ARK2N: variants seen among roughly 807,000 people sequenced by gnomAD.
The protein encoded by ARK2N is arkadia (RNF111) N-terminal like PKA signaling regulator 2N.
chr18:46,260,249 G>A, the ARK2N span, among the ~76,000 whole-genome samples: 4 of 152,142 alleles, frequency 2.6e-5, no homozygotes, highest in Non-Finnish European at 5.9e-5. Flanking sequence ...CATGCTCTCA[G>A]TGGTTTGCCT....
the ARK2N span, among the ~76,000 whole-genome samples, chr18:46,202,753 A>G: frequency 1.9e-4 from 29 of 151,704 alleles, no homozygotes; most frequent in Non-Finnish European, 3.7e-4. Flanking sequence ...GCTCCACTGC[A>G]TTCCAGCCTG....
chr18:46,174,851 C>T, the ARK2N span, among the ~76,000 whole-genome samples: 11 of 152,310 alleles, frequency 7.2e-5, no homozygotes, highest in African/African-American at 2.2e-4. Flanking sequence ...CGGAGAGCTC[C>T]GGCGCCGCGG....
the ARK2N span, among the ~76,000 whole-genome samples, chr18:46,199,547 G>C: frequency 7.2e-6 from 1 of 138,714 alleles, no homozygotes; most frequent in African/African-American, 2.7e-5. Context: ...GGCTGGTCTT[G>C]AACTCCTGAC....
At chr18:46,206,269 A>G in the ARK2N span, among the ~76,000 whole-genome samples, 1 of 151,312 alleles carries the variant, frequency 6.6e-6, no homozygotes, top group African/African-American at 2.4e-5. Context: ...AATTTTTTGT[A>G]GATATGGAGT....
chr18:46,194,472 T>G, the ARK2N span, among the ~76,000 whole-genome samples: 33 of 150,876 alleles, frequency 2.2e-4, no homozygotes, highest in African/African-American at 5.4e-4. Flanking sequence ...TTTTGTTTTT[T>G]TTTTTGTTTG....
the ARK2N span, among the ~76,000 whole-genome samples, chr18:46,230,722 A>T: frequency 6.6e-6 from 1 of 152,246 alleles, no homozygotes; most frequent in Non-Finnish European, 1.5e-5. Flanking sequence ...TAAAAAAGTT[A>T]CTTCATTTAA....
chr18:46,263,453 G>T, the ARK2N span: 1 of 193,076 alleles, frequency 5.2e-6, no homozygotes, highest in African/African-American at 2.3e-5. Context: ...GGCAAAATGG[G>T]TTTCAGTTTT....
the ARK2N span, among the ~76,000 whole-genome samples, chr18:46,201,004 G>C: frequency 7.0e-6 from 1 of 142,908 alleles, no homozygotes; most frequent in South Asian, 2.2e-4. Context: ...TTTTGAGACA[G>C]GGTCTTGCTC....
chr18:46,264,775 C>T, the ARK2N span: 4 of 144,232 alleles, frequency 2.8e-5, no homozygotes, highest in Admixed American at 7.1e-5. Context: ...TATTCCTTTA[C>T]GCTTCTTGTT....
the ARK2N span, among the ~76,000 whole-genome samples, chr18:46,248,034 G>C: frequency 2.6e-5 from 4 of 152,328 alleles, no homozygotes; most frequent in South Asian, 8.3e-4. Context: ...TAAATAATGA[G>C]TATTCATGAT....
chr18:46,197,900 C>T, the ARK2N span, among the ~76,000 whole-genome samples: 3 of 152,004 alleles, frequency 2.0e-5, no homozygotes, highest in Non-Finnish European at 2.9e-5. Flanking sequence ...TTTTGTATGC[C>T]GTTATGGGTA....
At chr18:46,175,379 G>A in the ARK2N span, among the ~76,000 whole-genome samples, 1 of 152,042 alleles carries the variant, frequency 6.6e-6, no homozygotes, top group Non-Finnish European at 1.5e-5. Context: ...TGTAGTATTG[G>A]GTACATGCTA....
At chr18:46,216,094 G>A in the ARK2N span, 2 of 1,614,130 alleles carry the variant, frequency 1.2e-6, no homozygotes, top group Non-Finnish European at 1.7e-6. The surrounding 1 kb of genome is among the most constrained non-coding windows in gnomAD (Gnocchi z 4.3). Flanking sequence ...GTCTCAGTTA[G>A]CATCCACAGA....
chr18:46,242,760 T>C, the ARK2N span, among the ~76,000 whole-genome samples: 1 of 152,210 alleles, frequency 6.6e-6, no homozygotes, highest in Non-Finnish European at 1.5e-5. Flanking sequence ...TTTATGAGTT[T>C]TGTTGTTGTT....
chr18:46,252,925 A>G, the ARK2N span, among the ~76,000 whole-genome samples: 2 of 152,224 alleles, frequency 1.3e-5, no homozygotes, highest in Non-Finnish European at 2.9e-5. Flanking sequence ...TGCATCATAT[A>G]ATACGTGCTT....
chr18:46,216,689 G>C, the ARK2N span: 1 of 1,094,718 alleles, frequency 9.1e-7, no homozygotes, highest in East Asian at 2.6e-5. The surrounding 1 kb of genome is among the most constrained non-coding windows in gnomAD (Gnocchi z 4.3). Context: ...AAAAATCCAG[G>C]AGACCTGCAG....
chr18:46,183,778 C>T, the ARK2N span, among the ~76,000 whole-genome samples: 2 of 152,056 alleles, frequency 1.3e-5, no homozygotes, highest in Non-Finnish European at 2.9e-5. Context: ...AAAACTGACT[C>T]AAAATCCCAG....
the ARK2N span, among the ~76,000 whole-genome samples, chr18:46,181,700 G>A: frequency 6.6e-6 from 1 of 152,160 alleles, no homozygotes; most frequent in Non-Finnish European, 1.5e-5. Context: ...GGGCGACAGA[G>A]CGAGACTCCG....
At chr18:46,225,462 T>A in the ARK2N span, among the ~76,000 whole-genome samples, 1 of 151,676 alleles carries the variant, frequency 6.6e-6, no homozygotes, top group Non-Finnish European at 1.5e-5. Flanking sequence ...TTTGATGATG[T>A]TGCTGTTTTT....
Sources: gnomAD v4.1 joint callset for allele counts (sites outside exome capture counted in the v4.1 genomes callset) on GRCh38, gnomAD v4.1.1 for gene constraint, Gnocchi (gnomAD v3.1) non-coding constraint, MANE v1.5 for transcripts, NCBI Gene and HGNC (gene_info 2026-07-23, HGNC 2026-07-21) for gene names.